HUWE1: variants seen among roughly 807,000 people sequenced by gnomAD.
HUWE1 encodes the protein HECT, UBA and WWE domain containing E3 ubiquitin protein ligase 1.
In HUWE1, 18 loss-of-function variants were observed where a neutral mutation model predicts 299.4. That is an observed-to-expected ratio of 0.06 (90% CI 0.04 to 0.09). The LOEUF is 0.09. Among genes scored for constraint, HUWE1 ranks in the 10% least tolerant of loss-of-function variants. HUWE1 has a pLI of 1.00. For synonymous variants in HUWE1, 1,317 were observed against 1,286.1 expected (o/e 1.02, Z -0.51); for missense variants, 1,832 against 3,462.3 (o/e 0.53, Z 11.82).
At chrX:53,614,340 T>C (rs782665172) in intron 23 of HUWE1, among the ~76,000 whole-genome samples, 194 bp downstream of exon 23, 43 of 111,534 alleles carry the variant, frequency 3.9e-4, no homozygotes, top group Admixed American at 2.1e-3. Context: ...CCAATACAAT[T>C]AAATACCAAA....
intron 2 of HUWE1, among the ~76,000 whole-genome samples, chrX:53,681,101 G>A (rs1256070187): frequency 9.1e-6 from 1 of 110,250 alleles, no homozygotes; most frequent in Non-Finnish European, 1.9e-5. Context: ...GTTGTTGCTA[G>A]AATTAGTTAA....
At chrX:53,533,735 C>A in intron 83 of HUWE1, 1 of 441,537 alleles carries the variant, frequency 2.3e-6, no homozygotes, top group Non-Finnish European at 4.0e-6. Flanking sequence ...GACTTTTGCT[C>A]CCTGCAACTC....
chrX:53,666,248 A>G (rs2069246504), intron 3 of HUWE1, among the ~76,000 whole-genome samples: 1 of 111,430 alleles, frequency 9.0e-6, no homozygotes, highest in Admixed American at 9.6e-5. Flanking sequence ...CAAGCTGTAC[A>G]GGTGATTTGG....
Position 53,586,487 on chromosome X carries a change from C to A in HUWE1, c.4824+3G>T. Reference sequence around the variant, plus strand: ...CTGCAGTCATACATACTACATTACACACCTTAGTCATCTGGGCTCTCCTTT... The same window carrying A: ...CTGCAGTCATACATACTACATTACAAACCTTAGTCATCTGGGCTCTCCTTT... On this transcript the variant is annotated splice_donor_region_variant and intron_variant, in intron 39 of 83. Transcript: ENST00000262854. 8.4e-7 allele frequency: 1 copy of A among 1,185,995 alleles called. No homozygotes were observed. Among genetic ancestry groups the A allele is most frequent in the Non-Finnish European group, 1.1e-6 (1 of 872,434 alleles).
At chrX:53,595,064 G>A in intron 30 of HUWE1, 123 bp downstream of exon 30, 1 of 569,898 alleles carries the variant, frequency 1.8e-6, no homozygotes, top group Non-Finnish European at 2.9e-6. Flanking sequence ...ATTTTCTAGA[G>A]TAAACAAGGG....
intron 49 of HUWE1, among the ~76,000 whole-genome samples, chrX:53,567,740 T>C (rs1296212009): frequency 8.9e-6 from 1 of 111,779 alleles, no homozygotes; most frequent in Non-Finnish European, 1.9e-5. Flanking sequence ...AGGTATATGA[T>C]TGATAGTGTA....
At chrX:53,675,916 A>T (rs2069796084) in intron 3 of HUWE1, among the ~76,000 whole-genome samples, 2 of 111,358 alleles carry the variant, frequency 1.8e-5, no homozygotes, top group South Asian at 3.7e-4. Context: ...GATCAAGGTA[A>T]CCAATGTAAT....
At chrX:53,552,219 A>C (rs1181187774) in intron 63 of HUWE1, 92 bp downstream of exon 63, 4 of 1,051,480 alleles carry the variant, frequency 3.8e-6, no homozygotes, top group Non-Finnish European at 5.3e-6. Flanking sequence ...CCTCCATCTA[A>C]ATGGAACTGT....
intron 6 of HUWE1, among the ~76,000 whole-genome samples, chrX:53,645,737 AT>A (rs1276468286): frequency 0.079 from 2,996 of 38,123 alleles, 394 homozygotes; most frequent in African/African-American, 0.17. Context: ...AAAAAAAAAA[AT>A]ATATATATAT....
chrX:53,619,590 GAAAAAA>G (rs35685121), intron 19 of HUWE1, among the ~76,000 whole-genome samples: 10 of 41,166 alleles, frequency 2.4e-4, no homozygotes, highest in African/African-American at 3.3e-4. Flanking sequence ...AGAAATAGAA[GAAAAAA>G]AAAAAAAAAA....
rs781850270 is a variant in HUWE1, at chrX:53,537,591, C to T, written c.12102G>A (p.Leu4034=). The part of the protein sequence containing the change: ...DHVFEDSYRE[L]HRKSPEEMKN... ...TCATTTCTTCGGGGGATTTGCGATG[C>T]AGCTCACGATAGGAGTCTTCAAACA... The change falls in exon 78 of 84, where the codon CTG becomes CTA. Residue 4034 remains leucine, a synonymous_variant. Coordinates refer to ENST00000262854, the MANE Select transcript of HUWE1 (RefSeq NM_031407.7). 5.0e-6 allele frequency: 6 copies of T among 1,210,420 alleles called. No individual in the cohort carries two copies. Among genetic ancestry groups the T allele is most frequent in the Non-Finnish European group, 5.6e-6 (5 of 894,541 alleles).
chrX:53,646,428 G>A (rs1229783945), intron 6 of HUWE1, among the ~76,000 whole-genome samples: 1 of 111,560 alleles, frequency 9.0e-6, no homozygotes, highest in Non-Finnish European at 1.9e-5. Context: ...AAAGTGTCAG[G>A]ATTACAGACA....
Position 53,575,633 on chromosome X carries a change from AT to A in HUWE1, c.6030+9del. ...AGAAGAAAGATAAAACGCTGTTGGA[AT>A]TGACTTACATTAATGGAAAAACCTG... On this transcript the variant is annotated intron_variant, in intron 45 of 83. Transcript: ENST00000262854. The A allele has an allele frequency of 8.3e-7, 1 of 1,208,748 alleles. No homozygotes were observed. The highest frequency in any genetic ancestry group is 1.1e-6 in the Non-Finnish European group (1 of 892,815).
chrX:53,574,000 A>G lies in HUWE1; in HGVS notation c.6098-36T>C, dbSNP rs782565021. On this transcript the variant is annotated intron_variant, in intron 46 of 83. Transcript: ENST00000262854. ...AAGTCAAACACTGGTTCAATTCCAC[A>G]CTGGAACACTGGCAAAATCAAGTCT... The G allele has an allele frequency of 1.3e-5, 14 of 1,079,918 alleles. No homozygotes were observed. In the South Asian group the frequency reaches 2.4e-4, roughly 19 times the overall value. The allele number at this position is 1,079,918 out of a possible 1,213,427, so 89.0% of individuals were successfully genotyped here. A position where few individuals can be genotyped will look rare whatever the true frequency, so the allele number is the denominator to read the frequency against.
intron 70 of HUWE1, 127 bp downstream of exon 70, chrX:53,546,309 T>C (rs1374221439): frequency 2.0e-5 from 12 of 601,478 alleles, no homozygotes; most frequent in Non-Finnish European, 3.3e-5. Context: ...AGAGGGAGCA[T>C]GGAGGCTGTG....
intron 47 of HUWE1, 21 bp downstream of exon 47, chrX:53,573,729 A>T: frequency 2.6e-6 from 3 of 1,143,856 alleles, no homozygotes; most frequent in Admixed American, 2.2e-5. Flanking sequence ...TAACATCTTA[A>T]ATAGAAGTTG....
At chrX:53,639,329 A>T (rs782483827) in intron 7 of HUWE1, among the ~76,000 whole-genome samples, 7 of 112,035 alleles carry the variant, frequency 6.2e-5, no homozygotes, top group Non-Finnish European at 1.3e-4. Flanking sequence ...CATCTCTTAT[A>T]ATATCATATT....
At chrX:53,685,572 G>T (rs1443598386) in intron 2 of HUWE1, among the ~76,000 whole-genome samples, 1 of 112,065 alleles carries the variant, frequency 8.9e-6, no homozygotes, top group Non-Finnish European at 1.9e-5. Flanking sequence ...ACAAAAATAT[G>T]ATCAATTTCG....
At chrX:53,683,002 T>C (rs1173435718) in intron 2 of HUWE1, among the ~76,000 whole-genome samples, 2 of 111,587 alleles carry the variant, frequency 1.8e-5, no homozygotes, top group African/African-American at 3.3e-5. Context: ...ATCAGAGTCA[T>C]ACAAACATGA....
Sources: allele counts gnomAD v4.1 joint callset (sites outside exome capture counted in the v4.1 genomes callset), GRCh38; gene constraint gnomAD v4.1.1; transcripts MANE v1.5; gene names NCBI Gene and HGNC (gene_info 2026-07-23, HGNC 2026-07-21).